The following ACSS1 variants were observed in gnomAD, a reference collection of about 807,000 sequenced individuals.
ACSS1 encodes the protein acyl-CoA synthetase short chain family member 1.
Under a neutral mutation model 75.3 loss-of-function variants are expected in ACSS1, and 42 were observed. The observed-to-expected ratio is 0.56, with a 90% CI of 0.44 to 0.72. ACSS1 has a LOEUF of 0.72. Among genes scored for constraint, ACSS1 ranks in the 30% least tolerant of loss-of-function variants. The probability of loss-of-function intolerance (pLI) is 0.00; values close to 1 mark genes in which losing one functional copy is unlikely to be tolerated. For synonymous variants in ACSS1, 380 were observed against 376.8 expected (o/e 1.01, Z -0.10); for missense variants, 782 against 935.7 (o/e 0.84, Z 2.14).
chr20:25,027,118 T>A, intron 3 of ACSS1, among the ~76,000 whole-genome samples: 1 of 152,256 alleles, frequency 6.6e-6, no homozygotes. Flanking sequence ...TATGTGACCT[T>A]AGGTAAGTCA....
intron 1 of ACSS1, among the ~76,000 whole-genome samples, chr20:25,050,934 A>G (rs2089166659): frequency 6.6e-6 from 1 of 152,098 alleles, no homozygotes; most frequent in African/African-American, 2.4e-5. Context: ...TCCAGGGCTG[A>G]CAGGTGGCCT....
In ACSS1 at chr20:25,007,854, C is replaced by A; in HGVS notation, c.1978G>T (p.Gly660Ter). Residue 660 changes from glycine (G) to a stop codon, truncating the protein, a stop_gained, in exon 14 of 14, where the codon GGA becomes TGA. Transcript: ENST00000323482. LOFTEE classifies it high-confidence loss of function. ...KIITSEAQELGDTTTLEDPSI... is the reference protein window; with the variant it reads ...KIITSEAQEL ...GGGTCCTCCAAGGTGGTAGTGTCTC[C>A]CAGCTCCTGGGCCTCACTAGTGATG... 4 of 1,614,172 alleles carry A rather than the reference C, an allele frequency of 2.5e-6. No homozygotes were observed. The highest frequency in any genetic ancestry group is 3.4e-6 in the Non-Finnish European group (4 of 1,180,020).
At chr20:25,026,531 C>G (rs906913527) in intron 3 of ACSS1, among the ~76,000 whole-genome samples, 2 of 152,168 alleles carry the variant, frequency 1.3e-5, no homozygotes, top group South Asian at 4.1e-4. Context: ...CCACCAGTCC[C>G]CAACCCTTCA....
At chr20:25,020,195 T>C (rs1463992081) in intron 6 of ACSS1, 48 bp from the exon 7 acceptor site, 3 of 1,609,994 alleles carry the variant, frequency 1.9e-6, no homozygotes, top group Middle Eastern at 3.3e-4. Context: ...TGACATGGTT[T>C]ACTTTAAACT....
At chr20:25,026,551 G>A (rs1321572427) in intron 3 of ACSS1, among the ~76,000 whole-genome samples, 4 of 152,168 alleles carry the variant, frequency 2.6e-5, no homozygotes, top group Admixed American at 6.6e-5. Flanking sequence ...AAGTCAACCT[G>A]ACTAATGTCC....
At chr20:25,010,260 CTG>C (rs971848449) in intron 12 of ACSS1, 4 of 152,578 alleles carry the variant, frequency 2.6e-5, no homozygotes, top group East Asian at 1.9e-4. Flanking sequence ...ACCTAACTGA[CTG>C]TGTCGTTTCC....
At chr20:25,036,483 T>C (rs2088910024) in intron 2 of ACSS1, among the ~76,000 whole-genome samples, 1 of 128,798 alleles carries the variant, frequency 7.8e-6, no homozygotes, top group African/African-American at 3.0e-5. Flanking sequence ...AGGAAACAGC[T>C]GGAAACAGAG....
intron 2 of ACSS1, among the ~76,000 whole-genome samples, chr20:25,035,077 A>G (rs1213890606): frequency 6.6e-6 from 1 of 151,642 alleles, no homozygotes; most frequent in Admixed American, 6.6e-5. Context: ...TTGTATTTTT[A>G]GTAGAGACGG....
chr20:25,012,504 T>A (rs1836184020), intron 12 of ACSS1, 97 bp downstream of exon 12: 2 of 1,445,370 alleles, frequency 1.4e-6, no homozygotes, highest in East Asian at 4.5e-5. Flanking sequence ...CAGTATCCCC[T>A]ATCACTCCAC....
At chr20:25,016,685 TG>T (rs1355267237) in intron 7 of ACSS1, among the ~76,000 whole-genome samples, 1 of 152,240 alleles carries the variant, frequency 6.6e-6, no homozygotes, top group African/African-American at 2.4e-5. Context: ...GGCAGGGAGA[TG>T]CCCCGCAGCG....
chr20:25,024,349 C>T (rs1028414547), intron 3 of ACSS1, among the ~76,000 whole-genome samples: 3 of 152,224 alleles, frequency 2.0e-5, no homozygotes, highest in African/African-American at 7.2e-5. Flanking sequence ...GGCCTCAAGA[C>T]CCCAGGAAAA....
At chr20:25,030,093 T>G (rs555060010) in intron 3 of ACSS1, among the ~76,000 whole-genome samples, 1 of 152,150 alleles carries the variant, frequency 6.6e-6, no homozygotes, top group Non-Finnish European at 1.5e-5. Context: ...CTCTACCCAT[T>G]AGTTCTATTT....
chr20:25,016,495 C>T (rs978107665), intron 7 of ACSS1, among the ~76,000 whole-genome samples: 4 of 152,218 alleles, frequency 2.6e-5, no homozygotes, highest in East Asian at 1.9e-4. Context: ...CCAGGCTAGA[C>T]GTGCTATCAC....
chr20:25,037,801 G>A (rs2088938992), intron 2 of ACSS1, among the ~76,000 whole-genome samples: 1 of 152,174 alleles, frequency 6.6e-6, no homozygotes, highest in Non-Finnish European at 1.5e-5. Flanking sequence ...GCATCTCATG[G>A]ACCCAGGCCT....
At chr20:25,053,039 G>A (rs907381210) in intron 1 of ACSS1, among the ~76,000 whole-genome samples, 8 of 150,824 alleles carry the variant, frequency 5.3e-5, no homozygotes, top group East Asian at 1.9e-4. Context: ...ATTTGAATAC[G>A]GAGTTACTAT....
intron 6 of ACSS1, 34 bp downstream of exon 6, chr20:25,021,355 G>T: frequency 6.2e-7 from 1 of 1,607,950 alleles, no homozygotes; most frequent in Non-Finnish European, 8.5e-7. Context: ...CCTGACACCA[G>T]CATGGGGTCC....
intron 1 of ACSS1, among the ~76,000 whole-genome samples, chr20:25,050,523 G>C (rs1032543362): frequency 1.3e-5 from 2 of 152,070 alleles, no homozygotes; most frequent in African/African-American, 4.8e-5. Flanking sequence ...TGACATACTT[G>C]CTCCACTCCA....
In ACSS1 at chr20:25,007,805, C is replaced by G. The variant is rs1394589816; in HGVS notation, c.2027G>C (p.Ser676Thr). Residue 676 changes from serine (S) to threonine (T), a missense_variant, in exon 14 of 14, where the codon AGT becomes ACT. Coordinates refer to ENST00000323482, the MANE Select transcript of ACSS1 (RefSeq NM_032501.4). ...CTTGTCCTTGCACTTCTGGTAGACA[C>G]TCAGGATCTCTGCGATGATGCTGGG... ...EDPSIIAEILSVYQKCKDKQA... is the reference protein window; with the variant it reads ...EDPSIIAEILTVYQKCKDKQA... The G allele has an allele frequency of 4.3e-6, 7 of 1,614,200 alleles. No individual in the cohort carries two copies. Among genetic ancestry groups the G allele is most frequent in the Admixed American group, 3.3e-5 (2 of 60,024 alleles).
At chr20:25,057,270 GTTTGT>G (rs2089255393) in intron 1 of ACSS1, among the ~76,000 whole-genome samples, 1 of 152,244 alleles carries the variant, frequency 6.6e-6, no homozygotes, top group African/African-American at 2.4e-5. Context: ...CCACAGCTCT[GTTTGT>G]TTACGTGGGC....
Sources: gnomAD v4.1 joint callset for allele counts (sites outside exome capture counted in the v4.1 genomes callset) on GRCh38, gnomAD v4.1.1 for gene constraint, MANE v1.5 for transcripts, NCBI Gene and HGNC (gene_info 2026-07-23, HGNC 2026-07-21) for gene names.